The following CCDC134 variants were observed in gnomAD, a reference collection of about 807,000 sequenced individuals.
The protein encoded by CCDC134 is coiled-coil domain containing 134, also known as coiled-coil domain-containing protein 134.
A neutral mutation model predicts 25.6 loss-of-function variants in CCDC134; 27 were observed. The observed-to-expected ratio is 1.05, with a 90% CI of 0.78 to 1.45. The LOEUF is 1.45. CCDC134 is among the 40% of genes most tolerant of loss of function. The pLI is 0.00. For synonymous variants in CCDC134, 110 were observed against 115.0 expected (o/e 0.96, Z 0.28); for missense variants, 261 against 286.7 (o/e 0.91, Z 0.65).
In CCDC134 at chr22:41,831,845, C is replaced by G. The variant is rs1285365514; in HGVS notation, c.*6022C>G. The G allele has an allele frequency of 6.6e-6, 1 of 151,968 alleles. No individual in the cohort carries two copies. Among genetic ancestry groups the G allele is most frequent in the Non-Finnish European group, 1.5e-5 (1 of 68,010 alleles). 9.4% of individuals were successfully genotyped at this position (151,968 alleles called of 1,614,324 possible). ...CTGGAAGCTCTCAGAGGGCAGGAAC[C>G]ATTTGTTTCCCTGCCACAGAGATGT... On this transcript the variant is annotated 3_prime_UTR_variant, in exon 7 of 7. Transcript: ENST00000255784.
At chr22:41,824,891 G>T (rs1259576726) in intron 6 of CCDC134, among the ~76,000 whole-genome samples, 1 of 152,142 alleles carries the variant, frequency 6.6e-6, no homozygotes, top group Non-Finnish European at 1.5e-5. Context: ...GGTGATGGGG[G>T]CAGCAATAGT....
chr22:41,808,144 G>A lies in CCDC134; in HGVS notation c.-16-731G>A, dbSNP rs368816380. ...CATTCCACTCCAGCCTGAGCAACAA[G>A]AGTGAAACTCCATCTTAAAAAAAAA... On this transcript the variant is annotated intron_variant, in intron 1 of 6. Coordinates refer to ENST00000255784, the MANE Select transcript of CCDC134 (RefSeq NM_024821.5). Among the ~76,000 whole-genome samples, 55 of 151,688 alleles carry A rather than the reference G, an allele frequency of 3.6e-4. No homozygotes were observed. The South Asian group carries it at 9.8e-3, about 27-fold the overall frequency.
chr22:41,820,240 C>A (rs1303477352), intron 6 of CCDC134, among the ~76,000 whole-genome samples: 1 of 151,672 alleles, frequency 6.6e-6, no homozygotes, highest in African/African-American at 2.4e-5. Context: ...TCGTGATCCG[C>A]CCACCTCGGC....
chr22:41,826,732 T>C lies in CCDC134; in HGVS notation c.*909T>C, dbSNP rs1282148663. On this transcript the variant is annotated 3_prime_UTR_variant, in exon 7 of 7. Coordinates refer to ENST00000255784, the MANE Select transcript of CCDC134 (RefSeq NM_024821.5). ...GCTGCATGGGTCAGACAGCTTCCCG[T>C]CTCGGGAGGCCACAGGGCAGGGAAG... Among the ~76,000 whole-genome samples, 1 of 152,156 alleles carries C rather than the reference T, an allele frequency of 6.6e-6. No individual in the cohort carries two copies. Among genetic ancestry groups the C allele is most frequent in the Non-Finnish European group, 1.5e-5 (1 of 68,020 alleles).
Position 41,830,884 on chromosome 22 carries a change from CT to C in CCDC134, c.*5083del, listed in dbSNP as rs67246997. On this transcript the variant is annotated 3_prime_UTR_variant, in exon 7 of 7. Transcript: ENST00000255784. ...AGATCCTTATTTTTTCTTTTCTTTT[CT>C]TTTTTTTTTTTTTTTTTTTTTGAGA... Among the ~76,000 whole-genome samples the C allele has an allele frequency of 0.056, 6,526 of 116,842 alleles. 172 individuals are homozygous for C. The highest frequency in any genetic ancestry group is 0.21 in the African/African-American group (5,326 of 25,244). The allele number at this position is 116,842 out of a possible 152,430, so 76.7% of individuals were successfully genotyped here.
At chr22:41,820,903 C>T (rs2076648729) in intron 6 of CCDC134, among the ~76,000 whole-genome samples, 1 of 152,104 alleles carries the variant, frequency 6.6e-6, no homozygotes, top group African/African-American at 2.4e-5. Context: ...GCACCAAAAG[C>T]CGTGAGACAG....
At chr22:41,822,991 A>C (rs984153263) in intron 6 of CCDC134, among the ~76,000 whole-genome samples, 1 of 152,164 alleles carries the variant, frequency 6.6e-6, no homozygotes, top group Non-Finnish European at 1.5e-5. Context: ...CTTTGATCAG[A>C]TCAAACATTT....
intron 1 of CCDC134, among the ~76,000 whole-genome samples, chr22:41,803,181 T>C (rs1194603395): frequency 6.6e-6 from 1 of 152,010 alleles, no homozygotes; most frequent in Non-Finnish European, 1.5e-5. Flanking sequence ...GAGGATCACT[T>C]AAGCCCAGGA....
chr22:41,827,567 C>G lies in CCDC134; in HGVS notation c.*1744C>G, dbSNP rs1307354854. ...GCATAGGGACTCAAGGGGCCCGTTA[C>G]AGAATTTTTGGGAGTAAATACCCAC... On this transcript the variant is annotated 3_prime_UTR_variant, in exon 7 of 7. Coordinates refer to ENST00000255784, the MANE Select transcript of CCDC134 (RefSeq NM_024821.5). Among the ~76,000 whole-genome samples the G allele has an allele frequency of 6.6e-6, 1 of 152,204 alleles. No individual in the cohort carries two copies. Among genetic ancestry groups the G allele is most frequent in the African/African-American group, 2.4e-5 (1 of 41,444 alleles).
Position 41,825,667 on chromosome 22 carries a change from C to T in CCDC134, c.565-31C>T, listed in dbSNP as rs1233370739. On this transcript the variant is annotated intron_variant, in intron 6 of 6. Coordinates refer to ENST00000255784, the MANE Select transcript of CCDC134 (RefSeq NM_024821.5). This position sits in a 1 kb window ranked among gnomAD's most constrained non-coding sequence, Gnocchi z 4.4. ...AGAGCAGGCTCTTTGCTGCCACAGA[C>T]TAAATCAGACTGCTCTTCTCTTCCC... 6.2e-7 allele frequency: 1 copy of T among 1,613,034 alleles called. No individual in the cohort carries two copies. Among genetic ancestry groups the T allele is most frequent in the East Asian group, 2.2e-5 (1 of 44,876 alleles).
chr22:41,825,607 C>T lies in CCDC134; in HGVS notation c.565-91C>T. 6.5e-7 allele frequency: 1 copy of T among 1,533,266 alleles called. No individual in the cohort carries two copies. The highest frequency in any genetic ancestry group is 8.9e-7 in the Non-Finnish European group (1 of 1,125,934). The allele number at this position is 1,533,266 out of a possible 1,614,324, so 95.0% of individuals were successfully genotyped here. A position where few individuals can be genotyped will look rare whatever the true frequency, so the allele number is the denominator to read the frequency against. On this transcript the variant is annotated intron_variant, in intron 6 of 6. Transcript: ENST00000255784. The surrounding 1 kb of genome is among the most constrained non-coding windows in gnomAD (Gnocchi z 4.4). ...GGGGCAGGGCCTGTGTCCAGGGAAC[C>T]TTCCTATTCCCACACCCCGCTGGTG... is the stretch of plus-strand genomic sequence containing the variant.
intron 1 of CCDC134, among the ~76,000 whole-genome samples, chr22:41,806,742 A>G (rs1388336407): frequency 2.0e-5 from 3 of 152,124 alleles, no homozygotes; most frequent in Non-Finnish European, 4.4e-5. Context: ...ATTATAGTGG[A>G]ATGTAAACAA....
intron 6 of CCDC134, among the ~76,000 whole-genome samples, chr22:41,821,534 A>G (rs1333238326): frequency 3.3e-5 from 5 of 149,494 alleles, no homozygotes; most frequent in Non-Finnish European, 3.0e-5. Context: ...TCATTGTTCA[A>G]TTCCCATCTA....
chr22:41,808,992 C>T lies in CCDC134; in HGVS notation c.102C>T (p.Ile34=). The change falls in exon 2 of 7, where the codon ATC becomes ATT. Residue 34 remains isoleucine (I), a splice_region_variant and synonymous_variant. Transcript: ENST00000255784. ...LRTSLDPSLE[I]YKKMFEVKRR... is the part of the protein sequence containing the mutation. The stretch of plus-strand genomic sequence containing the variant: ...CCTCCCTGGACCCAAGCCTGGAGAT[C>T]TGTATCCTTTGGGGTTGTAGTTAAT... The T allele has an allele frequency of 6.2e-7, 1 of 1,611,750 alleles. No individual in the cohort carries two copies. Among genetic ancestry groups the T allele is most frequent in the Non-Finnish European group, 8.5e-7 (1 of 1,178,028 alleles).
chr22:41,825,991 CCTCAGATGGCTGGATTTTCT>C lies in CCDC134; in HGVS notation c.*174_*193del. The C allele has an allele frequency of 3.4e-6, 3 of 880,164 alleles. No homozygotes were observed. The highest frequency in any genetic ancestry group is 5.2e-6 in the Non-Finnish European group (3 of 572,378). The allele number at this position is 880,164 out of a possible 1,614,324, so 54.5% of individuals were successfully genotyped here. A position where few individuals can be genotyped will look rare whatever the true frequency, so the allele number is the denominator to read the frequency against. ...CTGAGCCCCAGCTGAAGGGACTGAG[CCTCAGATGGCTGGATTTTCT>C]CTCAGGGGCCTCCTGCTGAAGGGGC... On this transcript the variant is annotated 3_prime_UTR_variant, in exon 7 of 7. Coordinates refer to ENST00000255784, the MANE Select transcript of CCDC134 (RefSeq NM_024821.5). The surrounding 1 kb of genome is among the most constrained non-coding windows in gnomAD (Gnocchi z 4.4).
chr22:41,811,630 T>C (rs1289459310), intron 4 of CCDC134, among the ~76,000 whole-genome samples: 6 of 152,252 alleles, frequency 3.9e-5, no homozygotes, highest in Middle Eastern at 3.4e-3. Context: ...GGTTTTGCCA[T>C]GTTGGCCGGG....
At chr22:41,801,863 C>CTG (rs2148300733) in intron 1 of CCDC134, among the ~76,000 whole-genome samples, 1 of 152,168 alleles carries the variant, frequency 6.6e-6, no homozygotes, top group South Asian at 2.1e-4. Context: ...CCATAGTAAC[C>CTG]TGTGTACGTA....
At chr22:41,814,981 T>C (rs139568) in intron 6 of CCDC134, among the ~76,000 whole-genome samples, 70,605 of 151,752 alleles carry the variant, frequency 0.47, 18,577 homozygotes, top group African/African-American at 0.69. Flanking sequence ...CCGCAGCAAA[T>C]GTGCTCTTTG....
chr22:41,812,480 TTTATG>T (rs61414588), intron 4 of CCDC134, among the ~76,000 whole-genome samples: 2,622 of 150,828 alleles, frequency 0.017, 64 homozygotes, highest in African/African-American at 0.06. Flanking sequence ...GTGAATGAAT[TTTATG>T]TTATGTTATG....
Sources: gnomAD v4.1 joint callset for allele counts (sites outside exome capture counted in the v4.1 genomes callset) on GRCh38, gnomAD v4.1.1 for gene constraint, Gnocchi (gnomAD v3.1) non-coding constraint, MANE v1.5 for transcripts, NCBI Gene and HGNC (gene_info 2026-07-23, HGNC 2026-07-21) for gene names.